Variants in CHERP observed in about 807,000 individuals in gnomAD.
CHERP encodes calcium homeostasis endoplasmic reticulum protein.
Under a neutral mutation model 113.8 loss-of-function variants are expected in CHERP, and 8 were observed. The ratio of observed to expected loss-of-function variants is 0.07; its 90% CI spans 0.04 to 0.13. CHERP has a LOEUF of 0.13. CHERP is among the 10% of genes least tolerant of loss of function. The pLI, the probability that CHERP is intolerant of heterozygous loss-of-function variation, is 1.00. For synonymous variants in CHERP, 559 were observed against 524.5 expected, an observed-to-expected ratio of 1.07 and a Z score of -0.90; for missense variants, 884 against 1,298.2, an observed-to-expected ratio of 0.68 and a Z score of 4.90.
Position 16,533,156 on chromosome 19 carries a change from CG to C in CHERP, c.385-9del. On this transcript the variant is annotated splice_polypyrimidine_tract_variant and intron_variant, in intron 3 of 16. Coordinates refer to ENST00000546361, the MANE Select transcript of CHERP (RefSeq NM_006387.6). ...GGCCGCTGTCACTTGCTCCTGCGGG[CG>C]GGGGTCGGTGGGGTCGAGAACACAT... 3.2e-6 allele frequency: 5 copies of C among 1,579,138 alleles called. No individual in the cohort carries two copies. The highest frequency in any genetic ancestry group is 1.9e-5 in the Admixed American group (1 of 54,012).
intron 5 of CHERP, among the ~76,000 whole-genome samples, chr19:16,531,696 G>C (rs867734250): frequency 6.6e-6 from 1 of 152,244 alleles, no homozygotes; most frequent in Non-Finnish European, 1.5e-5. Context: ...TCAGAGGCAG[G>C]GAGAAATGGA....
Position 16,521,603 on chromosome 19 carries a change from G to T in CHERP, c.2032C>A (p.Pro678Thr), listed in dbSNP as rs775804888. ...AGCCTCTCGCTGGGCGGCATGGGGG[G>T]TGGGAGGCGGATGTCTTTAGGGTCC... ...PLDPKDIRLP[P>T]PMPPSERLLA... Residue 678 changes from proline to threonine, a missense_variant, in exon 12 of 17, where the codon CCC becomes ACC. This residue lies in a region of CHERP where 464 missense variants were observed against 590.1 expected (regional missense o/e 0.79). Coordinates refer to ENST00000546361, the MANE Select transcript of CHERP (RefSeq NM_006387.6). 9 of 1,609,830 alleles carry T rather than the reference G, an allele frequency of 5.6e-6. No individual in the cohort carries two copies. In the South Asian group the frequency reaches 1.0e-4, roughly 18 times the overall value.
chr19:16,520,542 T>C lies in CHERP; in HGVS notation c.2202-35A>G. On this transcript the variant is annotated intron_variant, in intron 13 of 16. Transcript: ENST00000546361. This position sits in a 1 kb window ranked among gnomAD's most constrained non-coding sequence, Gnocchi z 4.0. ...GAGGCCTGATGATCAGGTGCCCCAGTGGATGGGCTGCACCCAGCCCACCCT... is the reference window on the plus strand; with the variant it reads ...GAGGCCTGATGATCAGGTGCCCCAGCGGATGGGCTGCACCCAGCCCACCCT... 6.3e-7 allele frequency: 1 copy of C among 1,595,150 alleles called. No homozygotes were observed. The highest frequency in any genetic ancestry group is 8.5e-7 in the Non-Finnish European group (1 of 1,170,056).
At chr19:16,524,630 G>A (rs952083936) in intron 10 of CHERP, among the ~76,000 whole-genome samples, 6 of 152,020 alleles carry the variant, frequency 3.9e-5, no homozygotes, top group African/African-American at 9.7e-5. Context: ...GCTCACATCT[G>A]TAGACCCAGC....
chr19:16,540,900 G>A (rs1360584420), intron 2 of CHERP, among the ~76,000 whole-genome samples: 1 of 151,768 alleles, frequency 6.6e-6, no homozygotes, highest in Non-Finnish European at 1.5e-5. Flanking sequence ...GTTTCACTAT[G>A]TTGGCCAGGC....
At chr19:16,533,810 G>T (rs1471713950) in intron 3 of CHERP, among the ~76,000 whole-genome samples, 3 of 149,828 alleles carry the variant, frequency 2.0e-5, no homozygotes, top group Middle Eastern at 3.4e-3. Flanking sequence ...GAAAAGAAAA[G>T]AAAAAAAAAG....
intron 2 of CHERP, among the ~76,000 whole-genome samples, chr19:16,538,964 C>G (rs2085759003): frequency 6.6e-6 from 1 of 151,864 alleles, no homozygotes; most frequent in Non-Finnish European, 1.5e-5. Flanking sequence ...TCAGGCTCAA[C>G]CTACTGACTT....
At position 16,523,309 on chromosome 19, in the gene CHERP, C is replaced by T; in HGVS notation, c.1742-19G>A. On this transcript the variant is annotated intron_variant, in intron 10 of 16. Transcript: ENST00000546361. The surrounding 1 kb of genome is among the most constrained non-coding windows in gnomAD (Gnocchi z 4.0). ...CCCATTTCTGCAAAACAGAGACTTG[C>T]CTCAGGACCACAGGCCAGTCAGGAT... is the stretch of plus-strand genomic sequence containing the variant. The T allele has an allele frequency of 1.9e-6, 3 of 1,601,716 alleles. No homozygotes were observed. The highest frequency in any genetic ancestry group is 2.6e-6 in the Non-Finnish European group (3 of 1,175,094).
Position 16,519,398 on chromosome 19 carries a change from T to C in CHERP, c.2558-46A>G, listed in dbSNP as rs1352095899. On this transcript the variant is annotated intron_variant, in intron 16 of 16. Transcript: ENST00000546361. This position sits in a 1 kb window ranked among gnomAD's most constrained non-coding sequence, Gnocchi z 6.0. ...ACAACCACAACAAGGCGGAGGCAGA[T>C]GGGGGTGCACGTGGGGGGCTGAATG... 1 of 1,578,718 alleles carries C rather than the reference T, an allele frequency of 6.3e-7. No homozygotes were observed. The highest frequency in any genetic ancestry group is 8.6e-7 in the Non-Finnish European group (1 of 1,159,490).
At chr19:16,539,846 G>T (rs2085766129) in intron 2 of CHERP, 1 of 152,216 alleles carries the variant, frequency 6.6e-6, no homozygotes, top group Non-Finnish European at 1.5e-5. Context: ...CTCCCAGGGG[G>T]TCACCATACT....
chr19:16,520,792 GC>G lies in CHERP; in HGVS notation c.2201+33del. ...CACCCATCACAAGCTGTGGACCCTG[GC>G]CCCCCGGCCACTGCAGACATCTGCG... On this transcript the variant is annotated intron_variant, in intron 13 of 16. Transcript: ENST00000546361. This position sits in a 1 kb window ranked among gnomAD's most constrained non-coding sequence, Gnocchi z 4.0. The G allele has an allele frequency of 1.9e-6, 3 of 1,595,604 alleles. No homozygotes were observed. The highest frequency in any genetic ancestry group is 1.7e-4 in the Middle Eastern group (1 of 5,950).
chr19:16,520,382 T>TAGGAACGGGAGC lies in CHERP; in HGVS notation c.2315_2326dup (p.Cys772_Ser775dup), dbSNP rs1336121919. On this transcript the variant is annotated inframe_insertion, in exon 14 of 17. Coordinates refer to ENST00000546361, the MANE Select transcript of CHERP (RefSeq NM_006387.6). The surrounding 1 kb of genome is among the most constrained non-coding windows in gnomAD (Gnocchi z 4.0). ...TGCCTACCTAGATCTGGAGCGGGAGTAGGAACGGGAGCAGGAGCGCGACCT... is the reference window on the plus strand; with the variant it reads ...TGCCTACCTAGATCTGGAGCGGGAGTAGGAACGGGAGCAGGAACGGGAGCAGGAGCGCGACCT... The TAGGAACGGGAGC allele has an allele frequency of 1.9e-6, 3 of 1,612,526 alleles. No individual in the cohort carries two copies. In the South Asian group the frequency reaches 3.3e-5, roughly 18 times the overall value.
Position 16,530,509 on chromosome 19 carries a change from G to A in CHERP, c.876+76C>T. On this transcript the variant is annotated intron_variant, in intron 7 of 16. Transcript: ENST00000546361. This position sits in a 1 kb window ranked among gnomAD's most constrained non-coding sequence, Gnocchi z 4.1. The stretch of plus-strand genomic sequence containing the variant: ...TCTGGCTGCTGGGGTGGCAGCTGCT[G>A]TCCCCACACTCCCAAACCCTCCTGG... The A allele has an allele frequency of 7.3e-7, 1 of 1,373,266 alleles. No individual in the cohort carries two copies. Among genetic ancestry groups the A allele is most frequent in the Non-Finnish European group, 1.0e-6 (1 of 964,896 alleles). 85.1% of individuals were successfully genotyped at this position (1,373,266 alleles called of 1,614,324 possible).
At chr19:16,527,035 A>C (rs906560954) in intron 9 of CHERP, among the ~76,000 whole-genome samples, 4 of 152,248 alleles carry the variant, frequency 2.6e-5, no homozygotes, top group Non-Finnish European at 5.9e-5. Flanking sequence ...AAACGTGTTA[A>C]GACCCCACAT....
At position 16,529,795 on chromosome 19, in the gene CHERP, G is replaced by A. The variant is rs199985640; in HGVS notation, c.982C>T (p.Leu328=). Residue 328 remains leucine, a synonymous_variant, in exon 8 of 17, where the codon CTG becomes TTG. Coordinates refer to ENST00000546361, the MANE Select transcript of CHERP (RefSeq NM_006387.6). Reference sequence around the variant, plus strand: ...TGCTGCTGCTGCTGCTGCTGGGCCAGGCTGGTGACAAACTCCTCGTGCTGC... The same window carrying A: ...TGCTGCTGCTGCTGCTGCTGGGCCAAGCTGGTGACAAACTCCTCGTGCTGC... The part of the protein sequence containing the change: ...KTQHEEFVTS[L]AQQQQQQQQQ... 2 of 1,613,540 alleles carry A rather than the reference G, an allele frequency of 1.2e-6. No homozygotes were observed. Among genetic ancestry groups the A allele is most frequent in the Non-Finnish European group, 1.7e-6 (2 of 1,179,914 alleles).
chr19:16,521,930 G>A (rs906453767), intron 11 of CHERP, among the ~76,000 whole-genome samples: 4 of 152,210 alleles, frequency 2.6e-5, no homozygotes, highest in African/African-American at 9.6e-5. Flanking sequence ...TCCAAACTCA[G>A]GTGACCTGAA....
At position 16,525,729 on chromosome 19, in the gene CHERP, C is replaced by T. The variant is rs976066768; in HGVS notation, c.1306-52G>A. ...CCTGCGTGGTCTAGGCCCTAGTGCT[C>T]GGCAGCATCACAGCGCTCGGCAGCA... On this transcript the variant is annotated intron_variant, in intron 9 of 16. Coordinates refer to ENST00000546361, the MANE Select transcript of CHERP (RefSeq NM_006387.6). This position sits in a 1 kb window ranked among gnomAD's most constrained non-coding sequence, Gnocchi z 6.5. 3.6e-6 allele frequency: 5 copies of T among 1,406,268 alleles called. No homozygotes were observed. The East Asian group carries it at 7.8e-5, about 22-fold the overall frequency. 87.1% of individuals were successfully genotyped at this position (1,406,268 alleles called of 1,614,324 possible).
intron 2 of CHERP, among the ~76,000 whole-genome samples, chr19:16,537,117 C>CTCCA (rs1407900555): frequency 6.6e-6 from 1 of 152,034 alleles, no homozygotes; most frequent in Non-Finnish European, 1.5e-5. Context: ...ACAAGACTCA[C>CTCCA]TCCAGATCTT....
Position 16,525,369 on chromosome 19 carries a change from A to G in CHERP, c.1614T>C (p.Pro538=). 2 of 1,491,918 alleles carry G rather than the reference A, an allele frequency of 1.3e-6. No homozygotes were observed. The highest frequency in any genetic ancestry group is 1.4e-5 in the African/African-American group (1 of 70,480). The allele number at this position is 1,491,918 out of a possible 1,614,324, so 92.4% of individuals were successfully genotyped here. The change falls in exon 10 of 17, where the codon CCT becomes CCC. Residue 538 remains proline, a synonymous_variant. Coordinates refer to ENST00000546361, the MANE Select transcript of CHERP (RefSeq NM_006387.6). The surrounding 1 kb of genome is among the most constrained non-coding windows in gnomAD (Gnocchi z 6.5). The part of the protein sequence containing the change: ...PHQQHPQFNQ[P]PHPHNFNRFP... ...AGCGGTTGAAGTTGTGGGGGTGCGG[A>G]GGCTGGTTGAACTGCGGGTGCTGCT...
Sources: allele counts gnomAD v4.1 joint callset (sites outside exome capture counted in the v4.1 genomes callset), GRCh38; gene constraint gnomAD v4.1.1; regional missense constraint gnomAD v4.1.1; non-coding constraint Gnocchi (gnomAD v3.1); transcripts MANE v1.5; gene names NCBI Gene and HGNC (gene_info 2026-07-23, HGNC 2026-07-21).